Variants in AGBL1 observed in about 807,000 individuals in gnomAD.
AGBL1 encodes the protein AGBL carboxypeptidase 1, also known as cytosolic carboxypeptidase 4.
In AGBL1, 130 loss-of-function variants were observed where a neutral mutation model predicts 118.9. The ratio of observed to expected loss-of-function variants is 1.09; its 90% CI spans 0.95 to 1.26. AGBL1 has a LOEUF of 1.26. Ranked by LOEUF, AGBL1 falls within the 50% of genes most tolerant of loss-of-function variation. AGBL1 has a pLI of 0.00. For missense variants in AGBL1, 1,584 were observed against 1,298.1 expected, an observed-to-expected ratio of 1.22 and a Z score of -3.38; for synonymous variants, 555 against 478.9, an observed-to-expected ratio of 1.16 and a Z score of -2.08.
intron 23 of AGBL1, among the ~76,000 whole-genome samples, chr15:86,985,291 G>A (rs1452499232): frequency 6.6e-6 from 1 of 152,134 alleles, no homozygotes; most frequent in African/African-American, 2.4e-5. Context: ...GGTAGGTTGT[G>A]TTTAACTTAA....
intron 20 of AGBL1, among the ~76,000 whole-genome samples, chr15:86,553,324 T>A (rs2142268073): frequency 6.6e-6 from 1 of 152,168 alleles, no homozygotes; most frequent in African/African-American, 2.4e-5. Flanking sequence ...GGGGAGGAGG[T>A]CTAGTGGCTG....
At chr15:86,939,446 C>A (rs1021650760) in intron 23 of AGBL1, among the ~76,000 whole-genome samples, 8 of 152,214 alleles carry the variant, frequency 5.3e-5, no homozygotes, top group African/African-American at 1.9e-4. Context: ...CCGCCACAAA[C>A]TGAAGGCTGC....
intron 7 of AGBL1, among the ~76,000 whole-genome samples, chr15:86,251,287 T>C (rs536935242): frequency 6.6e-6 from 1 of 152,310 alleles, no homozygotes; most frequent in South Asian, 2.1e-4. Flanking sequence ...TTGCCCACTG[T>C]ACCAGCAGCT....
At chr15:86,878,126 TTTG>T (rs2079838947) in intron 22 of AGBL1, among the ~76,000 whole-genome samples, 1 of 152,180 alleles carries the variant, frequency 6.6e-6, no homozygotes, top group Non-Finnish European at 1.5e-5. Flanking sequence ...AGATCCTGTG[TTTG>T]CTTTTGTGTC....
intron 22 of AGBL1, among the ~76,000 whole-genome samples, chr15:86,835,938 G>C (rs2141425849): frequency 6.6e-6 from 1 of 152,260 alleles, no homozygotes; most frequent in South Asian, 2.1e-4. Context: ...CTATGGGCCA[G>C]ATCACACACA....
chr15:86,361,461 A>C (rs1220628495), intron 17 of AGBL1, among the ~76,000 whole-genome samples: 5 of 152,090 alleles, frequency 3.3e-5, no homozygotes, highest in African/African-American at 9.6e-5. Flanking sequence ...TGTTAGGTTC[A>C]TTCAGTCCGT....
intron 19 of AGBL1, among the ~76,000 whole-genome samples, chr15:86,535,582 C>T (rs1373529986): frequency 6.6e-6 from 1 of 152,140 alleles, no homozygotes; most frequent in Admixed American, 6.5e-5. Context: ...CTTTGAAGAG[C>T]GCATCAATTT....
chr15:86,633,751 G>A (rs1409371194), intron 21 of AGBL1, among the ~76,000 whole-genome samples: 1 of 147,980 alleles, frequency 6.8e-6, no homozygotes, highest in East Asian at 2.0e-4. Context: ...ATTATACACA[G>A]TAATATGTAT....
intron 19 of AGBL1, among the ~76,000 whole-genome samples, chr15:86,536,643 C>G (rs537905780): frequency 2.0e-5 from 3 of 152,002 alleles, no homozygotes; most frequent in Non-Finnish European, 4.4e-5. Flanking sequence ...GAGGGCAAGT[C>G]AGAATTTTCA....
In AGBL1 at chr15:86,522,366, T is replaced by C. The variant is rs570557942; in HGVS notation, c.2556-444T>C. 6.6e-5 allele frequency among the ~76,000 whole-genome samples: 10 copies of C among 152,332 alleles called. No homozygotes were observed. The East Asian group carries it at 7.7e-4, about 12-fold the overall frequency. On this transcript the variant is annotated intron_variant, in intron 18 of 22. Transcript: ENST00000614907. ...TAATTTATAAGCCTCACTCTCTTCA[T>C]TGGGGTGTTCTAATGTCTACCTTGC...
intron 22 of AGBL1, among the ~76,000 whole-genome samples, chr15:86,675,691 A>G (rs2085830982): frequency 6.6e-6 from 1 of 152,152 alleles, no homozygotes; most frequent in Admixed American, 6.5e-5. Context: ...TCCACCTGCC[A>G]GCATATATAT....
At chr15:86,138,189 T>G (rs767947066) in intron 1 of AGBL1, 1 of 152,224 alleles carries the variant, frequency 6.6e-6, no homozygotes, top group Non-Finnish European at 1.5e-5. Flanking sequence ...GCAGACAGAT[T>G]CATCCCCCAG....
chr15:86,954,696 G>A (rs1350946341), intron 23 of AGBL1, among the ~76,000 whole-genome samples: 1 of 152,012 alleles, frequency 6.6e-6, no homozygotes, highest in African/African-American at 2.4e-5. Context: ...TACCTATTGG[G>A]TCCTCTGCTC....
chr15:86,371,039 T>C (rs948681492), intron 17 of AGBL1, among the ~76,000 whole-genome samples: 1 of 152,020 alleles, frequency 6.6e-6, no homozygotes, highest in Non-Finnish European at 1.5e-5. Context: ...AGCCTGAAAA[T>C]GGTTAAGATC....
chr15:86,247,425 A>G (rs2078738415), intron 6 of AGBL1, among the ~76,000 whole-genome samples: 1 of 152,166 alleles, frequency 6.6e-6, no homozygotes, highest in Non-Finnish European at 1.5e-5. Flanking sequence ...CTTGGCAGGA[A>G]CACTATAGAA....
At chr15:86,611,723 T>C (rs776480801) in intron 21 of AGBL1, among the ~76,000 whole-genome samples, 1 of 151,942 alleles carries the variant, frequency 6.6e-6, no homozygotes, top group African/African-American at 2.4e-5. Flanking sequence ...TAAAGCATGA[T>C]ACTCACAGGC....
chr15:86,953,854 A>T (rs2080903998), intron 23 of AGBL1, among the ~76,000 whole-genome samples: 4 of 152,318 alleles, frequency 2.6e-5, no homozygotes. Context: ...GTATAGAATT[A>T]TATAATCAGC....
chr15:86,543,504 C>G (rs2083533557), intron 19 of AGBL1, among the ~76,000 whole-genome samples: 1 of 152,284 alleles, frequency 6.6e-6, no homozygotes, highest in African/African-American at 2.4e-5. Context: ...GAGACTGTGA[C>G]TTTTTCAGAC....
At chr15:86,755,061 A>G (rs541302746) in intron 22 of AGBL1, among the ~76,000 whole-genome samples, 2 of 152,230 alleles carry the variant, frequency 1.3e-5, no homozygotes, top group East Asian at 1.9e-4. Flanking sequence ...TGCATCATCC[A>G]TATATATGTC....
Sources: gnomAD v4.1 joint callset for allele counts (sites outside exome capture counted in the v4.1 genomes callset) on GRCh38, gnomAD v4.1.1 for gene constraint, MANE v1.5 for transcripts, NCBI Gene and HGNC (gene_info 2026-07-23, HGNC 2026-07-21) for gene names.